AIG1: variants seen among roughly 807,000 people sequenced by gnomAD.
AIG1 encodes androgen induced 1.
A neutral mutation model predicts 31.4 loss-of-function variants in AIG1; 23 were observed. That is an observed-to-expected ratio of 0.73 (90% confidence interval 0.53 to 1.04). The LOEUF (loss-of-function observed/expected upper bound fraction) is 1.04, where lower values mean the gene tolerates loss of function less well. Among genes scored for constraint, AIG1 ranks in the 50% least tolerant of loss-of-function variants. The pLI is 0.00. For synonymous variants in AIG1, 100 were observed against 110.5 expected, an observed-to-expected ratio of 0.90 and a Z score of 0.60; for missense variants, 274 against 295.0, an observed-to-expected ratio of 0.93 and a Z score of 0.52.
intron 3 of AIG1, among the ~76,000 whole-genome samples, chr6:143,197,494 C>T (rs946057433): frequency 1.3e-5 from 2 of 152,168 alleles, no homozygotes; most frequent in Non-Finnish European, 2.9e-5. Flanking sequence ...AGGCCAACTG[C>T]TTAGGGCATA....
At chr6:143,276,883 A>G (rs770146754) in intron 3 of AIG1, among the ~76,000 whole-genome samples, 1 of 152,142 alleles carries the variant, frequency 6.6e-6, no homozygotes, top group Non-Finnish European at 1.5e-5. Context: ...TTCGGATGTC[A>G]TTTCTATCTC....
At chr6:143,188,285 A>C (rs889136128) in intron 3 of AIG1, 1 of 986,016 alleles carries the variant, frequency 1.0e-6, no homozygotes, top group African/African-American at 1.7e-5. Flanking sequence ...CTGTTTAAAC[A>C]TGTTAATTGA....
At chr6:143,195,542 C>T (rs1236537784) in intron 3 of AIG1, among the ~76,000 whole-genome samples, 2 of 151,928 alleles carry the variant, frequency 1.3e-5, no homozygotes, top group East Asian at 1.9e-4. Context: ...TCCAGGGCTG[C>T]GGGGAAACGT....
intron 1 of AIG1, among the ~76,000 whole-genome samples, chr6:143,092,272 T>G (rs529186432): frequency 6.6e-6 from 1 of 150,678 alleles, no homozygotes; most frequent in East Asian, 1.9e-4. Flanking sequence ...GCTGGGCTAA[T>G]TTTTTGATTT....
At chr6:143,077,014 A>G (rs941458743) in intron 1 of AIG1, among the ~76,000 whole-genome samples, 1 of 152,126 alleles carries the variant, frequency 6.6e-6, no homozygotes. Flanking sequence ...GGCTGTTTGT[A>G]TATATCTCTT....
intron 2 of AIG1, among the ~76,000 whole-genome samples, chr6:143,151,204 A>G (rs1583335220): frequency 6.6e-6 from 1 of 152,340 alleles, no homozygotes; most frequent in Admixed American, 6.5e-5. Context: ...TATTACCCTT[A>G]TAATAAGAAA....
In AIG1 at chr6:143,120,549, C is replaced by T. The variant is rs552912664; in HGVS notation, c.142-16286C>T. Among the ~76,000 whole-genome samples the T allele has an allele frequency of 6.2e-4, 94 of 152,142 alleles. 1 individual carries two copies. Among genetic ancestry groups the T allele is most frequent in the African/African-American group, 2.1e-3 (89 of 41,506 alleles). On this transcript the variant is annotated intron_variant, in intron 1 of 5. Coordinates refer to ENST00000357847, the MANE Select transcript of AIG1 (RefSeq NM_016108.4). The stretch of plus-strand genomic sequence containing the variant: ...GGGAACTCCCCTTTATAAAACCATC[C>T]GATCTCATGAGACTTATTCACTATC...
At chr6:143,071,739 C>A (rs1777296023) in intron 1 of AIG1, among the ~76,000 whole-genome samples, 1 of 150,160 alleles carries the variant, frequency 6.7e-6, no homozygotes, top group Admixed American at 6.7e-5. Context: ...CTTTCTCCTC[C>A]CCCTCTTCCT....
chr6:143,136,141 G>T (rs1026243808), intron 1 of AIG1, among the ~76,000 whole-genome samples: 1 of 152,060 alleles, frequency 6.6e-6, no homozygotes, highest in Non-Finnish European at 1.5e-5. Flanking sequence ...AATTGTATGG[G>T]TATCTCTGTT....
intron 2 of AIG1, among the ~76,000 whole-genome samples, chr6:143,145,178 C>T (rs1229119693): frequency 1.3e-5 from 2 of 152,100 alleles, no homozygotes; most frequent in African/African-American, 4.8e-5. Context: ...GTGTGTGCCA[C>T]CATGCGTGGC....
At chr6:143,342,567 G>A (rs1193802958), downstream of AIG1, 5 of 935,942 alleles carry the variant, frequency 5.3e-6, no homozygotes, top group Non-Finnish European at 8.9e-6. Flanking sequence ...TTACTGTTGG[G>A]TTTACAGGCT....
At chr6:143,342,979 A>G (rs1777885324), downstream of AIG1, 4 of 991,380 alleles carry the variant, frequency 4.0e-6, no homozygotes, top group South Asian at 5.1e-5. Context: ...AGAGCAGTTC[A>G]TGGCAGTGTA....
At chr6:143,198,480 T>C (rs1454491948) in intron 3 of AIG1, among the ~76,000 whole-genome samples, 1 of 152,250 alleles carries the variant, frequency 6.6e-6, no homozygotes, top group Non-Finnish European at 1.5e-5. Context: ...AGAAAAATTA[T>C]AAAACTGACA....
intron 1 of AIG1, among the ~76,000 whole-genome samples, chr6:143,066,985 CA>C (rs916354306): frequency 6.6e-6 from 1 of 152,054 alleles, no homozygotes; most frequent in African/African-American, 2.4e-5. Flanking sequence ...GCCTGGGCAT[CA>C]CAGCAAGGCT....
chr6:143,178,916 T>A (rs1384880237), intron 3 of AIG1, among the ~76,000 whole-genome samples: 1 of 152,110 alleles, frequency 6.6e-6, no homozygotes, highest in African/African-American at 2.4e-5. Context: ...AATTAAAGGA[T>A]CTGTTATATA....
At chr6:143,265,863 T>G (rs747673843) in intron 3 of AIG1, among the ~76,000 whole-genome samples, 10 of 152,218 alleles carry the variant, frequency 6.6e-5, no homozygotes, top group Non-Finnish European at 1.3e-4. Flanking sequence ...AAGCACCTAC[T>G]AACTGAAAAC....
chr6:143,342,983 C>T, downstream of AIG1: 1 of 990,242 alleles, frequency 1.0e-6, no homozygotes, highest in South Asian at 1.3e-5. Flanking sequence ...CAGTTCATGG[C>T]AGTGTACCTA....
intron 1 of AIG1, among the ~76,000 whole-genome samples, chr6:143,120,126 G>T: frequency 6.6e-6 from 1 of 152,182 alleles, no homozygotes; most frequent in Non-Finnish European, 1.5e-5. Context: ...CAGAGATGGG[G>T]TCTCTCCATA....
At chr6:143,092,115 TA>T (rs1779356939) in intron 1 of AIG1, among the ~76,000 whole-genome samples, 1 of 152,112 alleles carries the variant, frequency 6.6e-6, no homozygotes, top group Non-Finnish European at 1.5e-5. Flanking sequence ...TTTATTTATT[TA>T]TTTTTTGAGA....
Sources: allele counts gnomAD v4.1 joint callset (sites outside exome capture counted in the v4.1 genomes callset), GRCh38; gene constraint gnomAD v4.1.1; transcripts MANE v1.5; gene names NCBI Gene and HGNC (gene_info 2026-07-23, HGNC 2026-07-21).